FRK: variants seen among roughly 807,000 people sequenced by gnomAD.
FRK encodes fyn related Src family tyrosine kinase, also known as tyrosine-protein kinase FRK.
FRK carries 51 observed loss-of-function variants against 56.4 expected under a neutral mutation model. That is an observed-to-expected ratio of 0.90 (90% CI 0.72 to 1.14). FRK has a LOEUF of 1.14. FRK is among the 50% of genes most tolerant of loss of function. FRK has a pLI of 0.00. For missense variants in FRK, 570 were observed against 601.4 expected (o/e 0.95, Z 0.55); for synonymous variants, 245 against 217.9 (o/e 1.12, Z -1.10).
At chr6:116,020,226 TAATA>T (rs1775814966) in intron 1 of FRK, among the ~76,000 whole-genome samples, 1 of 152,184 alleles carries the variant, frequency 6.6e-6, no homozygotes, top group Non-Finnish European at 1.5e-5. Context: ...GACAGCTCAT[TAATA>T]TTTTATTATT....
chr6:116,085,353 G>A, the FRK span, among the ~76,000 whole-genome samples: 1 of 152,140 alleles, frequency 6.6e-6, no homozygotes, highest in African/African-American at 2.4e-5. Context: ...GAATAATAAT[G>A]ATGATAAATG....
the FRK span, among the ~76,000 whole-genome samples, chr6:116,098,719 CAGTA>C: frequency 6.6e-6 from 1 of 152,128 alleles, no homozygotes; most frequent in Non-Finnish European, 1.5e-5. Context: ...GGCATTTTAT[CAGTA>C]AGTGTGATAA....
At chr6:115,979,565 G>A (rs1774122846) in intron 2 of FRK, among the ~76,000 whole-genome samples, 1 of 152,032 alleles carries the variant, frequency 6.6e-6, no homozygotes, top group Admixed American at 6.6e-5. Flanking sequence ...TAGTCTAACT[G>A]TACAATATTT....
At chr6:116,046,452 T>TA (rs1371280847) in intron 1 of FRK, among the ~76,000 whole-genome samples, 1 of 152,118 alleles carries the variant, frequency 6.6e-6, no homozygotes, top group Non-Finnish European at 1.5e-5. Flanking sequence ...TATGCAGCCA[T>TA]AAAAAAGGAT....
the FRK span, among the ~76,000 whole-genome samples, chr6:116,097,198 T>A: frequency 9.0e-4 from 137 of 152,360 alleles, no homozygotes; most frequent in African/African-American, 3.2e-3. Context: ...CAGCATAATA[T>A]TACAAATAAG....
chr6:116,070,973 AATG>A, the FRK span, among the ~76,000 whole-genome samples: 1 of 152,160 alleles, frequency 6.6e-6, no homozygotes, highest in Non-Finnish European at 1.5e-5. Context: ...AGTTCATAAT[AATG>A]ATGTTTTAGC....
chr6:116,002,761 T>A (rs1330165389), intron 2 of FRK: 2 of 454,482 alleles, frequency 4.4e-6, no homozygotes, highest in East Asian at 1.4e-4. Context: ...AGTGTCAGCA[T>A]AGTCAGGACC....
chr6:116,035,492 C>T (rs1776443492), intron 1 of FRK, among the ~76,000 whole-genome samples: 2 of 152,046 alleles, frequency 1.3e-5, no homozygotes, highest in Non-Finnish European at 2.9e-5. Context: ...AACACACATT[C>T]AGAAACTCTC....
At chr6:115,989,980 C>T (rs192312912) in intron 2 of FRK, among the ~76,000 whole-genome samples, 2 of 152,082 alleles carry the variant, frequency 1.3e-5, no homozygotes, top group African/African-American at 4.8e-5. Flanking sequence ...AGTAGCCATT[C>T]TGAATGGTGT....
At position 116,034,729 on chromosome 6, in the gene FRK, C is replaced by T. The variant is rs73562560; in HGVS notation, c.344+25239G>A. Among the ~76,000 whole-genome samples the T allele has an allele frequency of 6.4e-3, 968 of 152,100 alleles. 9 individuals are homozygous for T. The highest frequency in any genetic ancestry group is 0.022 in the African/African-American group (909 of 41,524). On this transcript the variant is annotated intron_variant, in intron 1 of 7. Transcript: ENST00000606080. Reference sequence around the variant, plus strand: ...CTGGATTCAAATAAACCATAAAAAACAAACTATAAAACTGTGAGAAGTTTT... The same window carrying T: ...CTGGATTCAAATAAACCATAAAAAATAAACTATAAAACTGTGAGAAGTTTT...
upstream of FRK, among the ~76,000 whole-genome samples, chr6:116,062,563 CG>C (rs1777663354): frequency 6.6e-6 from 1 of 151,826 alleles, no homozygotes; most frequent in African/African-American, 2.4e-5. Context: ...TTTGAATTGT[CG>C]GGGTTCTAAA....
chr6:116,079,653 C>T, the FRK span, among the ~76,000 whole-genome samples: 5 of 152,104 alleles, frequency 3.3e-5, no homozygotes, highest in Admixed American at 6.6e-5. Flanking sequence ...TGCAGTGGCA[C>T]GGTCATGGCT....
In FRK at chr6:115,932,328, A is replaced by G. The variant is rs1161083707; in HGVS notation, c.*10086T>C. 6.6e-6 allele frequency: 1 copy of G among 152,228 alleles called. No homozygotes were observed. The highest frequency in any genetic ancestry group is 1.5e-5 in the Non-Finnish European group (1 of 68,032). 9.4% of individuals were successfully genotyped at this position (152,228 alleles called of 1,614,324 possible). A position where few individuals can be genotyped will look rare whatever the true frequency, so the allele number is the denominator to read the frequency against. ...CACTGAAAATTAAGATATGAATTTA[A>G]AAGATTTTTAGATACTTTCCAGCAT... On this transcript the variant is annotated 3_prime_UTR_variant, in exon 8 of 8. Transcript: ENST00000606080.
chr6:115,999,113 T>C (rs2114682353), intron 2 of FRK, among the ~76,000 whole-genome samples: 1 of 152,318 alleles, frequency 6.6e-6, no homozygotes, highest in Non-Finnish European at 1.5e-5. Flanking sequence ...AGTAAATTAA[T>C]ATTAATGGTA....
chr6:116,077,010 C>T, the FRK span, among the ~76,000 whole-genome samples: 82 of 152,062 alleles, frequency 5.4e-4, no homozygotes, highest in African/African-American at 1.7e-3. Flanking sequence ...AAGATAATTC[C>T]GAAGTATTCA....
intron 3 of FRK, 152 bp downstream of exon 3, chr6:115,968,424 G>C: frequency 1.5e-6 from 1 of 689,470 alleles, no homozygotes; most frequent in Non-Finnish European, 2.5e-6. Flanking sequence ...GCATACGTCA[G>C]TGTGAGCTCA....
chr6:116,063,227 G>A (rs1380561862), upstream of FRK, among the ~76,000 whole-genome samples: 1 of 152,162 alleles, frequency 6.6e-6, no homozygotes, highest in Admixed American at 6.5e-5. Context: ...CAAAAGATTT[G>A]AAATCAGGAA....
At chr6:116,037,036 T>G (rs1405420477) in intron 1 of FRK, among the ~76,000 whole-genome samples, 1 of 152,180 alleles carries the variant, frequency 6.6e-6, no homozygotes, top group Non-Finnish European at 1.5e-5. Context: ...TTTGTCCTAA[T>G]GGAGAATGTC....
At chr6:116,061,017 G>A (rs973782957), upstream of FRK, among the ~76,000 whole-genome samples, 1 of 152,148 alleles carries the variant, frequency 6.6e-6, no homozygotes, top group South Asian at 2.1e-4. Flanking sequence ...TAAAGCAGCC[G>A]CTAAAATCTA....
Sources: allele counts gnomAD v4.1 joint callset (sites outside exome capture counted in the v4.1 genomes callset), GRCh38; gene constraint gnomAD v4.1.1; transcripts MANE v1.5; gene names NCBI Gene and HGNC (gene_info 2026-07-23, HGNC 2026-07-21).